Variants in TLK2 observed in about 807,000 individuals in gnomAD.
TLK2 encodes tousled like kinase 2.
TLK2 carries 6 observed loss-of-function variants against 117.3 expected under a neutral mutation model. That is an observed-to-expected ratio of 0.05 (90% CI 0.03 to 0.10). The LOEUF is 0.10. TLK2 is among the 10% of genes least tolerant of loss of function. The pLI, the probability that TLK2 is intolerant of heterozygous loss-of-function variation, is 1.00. For synonymous variants in TLK2, 257 were observed against 316.7 expected (o/e 0.81, Z 2.00); for missense variants, 299 against 901.2 (o/e 0.33, Z 8.56).
chr17:62,511,592 A>G (rs2145257474), intron 2 of TLK2, among the ~76,000 whole-genome samples: 1 of 152,272 alleles, frequency 6.6e-6, no homozygotes, highest in Non-Finnish European at 1.5e-5. Context: ...CTGGTCTTGA[A>G]TTCCTGGGTT....
upstream of TLK2, among the ~76,000 whole-genome samples, chr17:62,478,453 G>A (rs1303428665): frequency 6.6e-6 from 1 of 150,540 alleles, no homozygotes; most frequent in Admixed American, 6.6e-5. Flanking sequence ...GGGGGCCGGC[G>A]ACACAAAGGC....
intron 20 of TLK2, among the ~76,000 whole-genome samples, chr17:62,607,033 ATCTCACCTCTCT>A (rs2083359101): frequency 1.8e-5 from 1 of 56,940 alleles, no homozygotes; most frequent in South Asian, 6.0e-4. Context: ...TTTTTTTTCT[ATCTCACCTCTCT>A]AAAACAGGGA....
chr17:62,612,059 C>T (rs547235483), intron 21 of TLK2: 6 of 174,750 alleles, frequency 3.4e-5, no homozygotes, highest in South Asian at 1.8e-4. Flanking sequence ...TCCAAACCAG[C>T]GAAGACAAAG....
At chr17:62,481,271 A>T (rs1412620159) in intron 2 of TLK2, 65 bp downstream of exon 2, 1 of 1,583,726 alleles carries the variant, frequency 6.3e-7, no homozygotes, top group Non-Finnish European at 8.6e-7. Flanking sequence ...TTAAATGATT[A>T]AGAGCAATTT....
chr17:62,500,761 A>T (rs8071637), intron 2 of TLK2, among the ~76,000 whole-genome samples: 50,625 of 152,094 alleles, frequency 0.33, 8,654 homozygotes, highest in Admixed American at 0.4. Context: ...TGTAGTGTCT[A>T]CTCTGACTAC....
chr17:62,523,893 A>G (rs2076208003), intron 5 of TLK2, among the ~76,000 whole-genome samples: 1 of 152,226 alleles, frequency 6.6e-6, no homozygotes, highest in Admixed American at 6.5e-5. Context: ...AGTGGTTACT[A>G]AAGACACTAA....
chr17:62,489,264 G>A (rs1423542571), intron 2 of TLK2, among the ~76,000 whole-genome samples: 1 of 150,472 alleles, frequency 6.6e-6, no homozygotes, highest in Non-Finnish European at 1.5e-5. Flanking sequence ...GCAGTGGTGC[G>A]ATTTCAGCTC....
At chr17:62,474,745 T>TC (rs1226225847), upstream of TLK2, among the ~76,000 whole-genome samples, 1 of 151,740 alleles carries the variant, frequency 6.6e-6, no homozygotes, top group Non-Finnish European at 1.5e-5. Flanking sequence ...CAGGCTGGTC[T>TC]CCAACTCCTG....
At chr17:62,496,531 G>A (rs2073704410) in intron 2 of TLK2, among the ~76,000 whole-genome samples, 1 of 152,150 alleles carries the variant, frequency 6.6e-6, no homozygotes, top group African/African-American at 2.4e-5. Flanking sequence ...CCATAGTCAA[G>A]TATGGCAAGG....
intron 8 of TLK2, chr17:62,553,355 A>G (rs2078619436): frequency 1.3e-5 from 3 of 238,684 alleles, no homozygotes; most frequent in Non-Finnish European, 2.4e-5. Context: ...TTTTCTATTC[A>G]AAGTTAGTTT....
chr17:62,607,337 G>A (rs1466126564), intron 20 of TLK2, among the ~76,000 whole-genome samples: 1 of 150,724 alleles, frequency 6.6e-6, no homozygotes, highest in Non-Finnish European at 1.5e-5. Flanking sequence ...GACTAACATG[G>A]TGAAACCCCG....
intron 10 of TLK2, among the ~76,000 whole-genome samples, chr17:62,561,959 A>G (rs558424507): frequency 2.0e-5 from 3 of 152,342 alleles, no homozygotes; most frequent in African/African-American, 7.2e-5. Context: ...AGTATATAAC[A>G]AAATTTAAAT....
chr17:62,580,111 A>G lies in TLK2; in HGVS notation c.1287A>G (p.Gln429=), dbSNP rs761321359. 1 of 1,612,196 alleles carries G rather than the reference A, an allele frequency of 6.2e-7. No homozygotes were observed. Among genetic ancestry groups the G allele is most frequent in the Non-Finnish European group, 8.5e-7 (1 of 1,178,972 alleles). ...LKRIHNEDNS[Q]FKDHPTLNDR... ...TGTTACATGTTCCCTGTTTCCACAG[A>G]TTTAAAGATCATCCAACGCTAAATG... is the stretch of plus-strand genomic sequence containing the variant. The change falls in exon 15 of 22, where the codon CAA becomes CAG. Residue 429 remains glutamine, a splice_region_variant and synonymous_variant. Transcript: ENST00000346027.
chr17:62,536,269 G>T lies in TLK2; in HGVS notation c.463G>T (p.Ala155Ser). The T allele has an allele frequency of 6.2e-7, 1 of 1,613,502 alleles. No homozygotes were observed. Among genetic ancestry groups the T allele is most frequent in the Non-Finnish European group, 8.5e-7 (1 of 1,179,746 alleles). Residue 155 changes from alanine to serine, a missense_variant, in exon 7 of 22, where the codon GCA becomes TCA. Around this residue, in one of 4 missense-constraint regions of TLK2, gnomAD observed 105 missense variants for 218.4 expected, o/e 0.48. Transcript: ENST00000346027. ...ALPTLMSVMLAKPRLDTEQLA... is the reference protein window; with the variant it reads ...ALPTLMSVMLSKPRLDTEQLA... ...GCCAACCCTCATGTCAGTGATGCTA[G>T]CAAAACCTCGGCTTGACACAGAGCA...
rs182970816 is a variant in TLK2 at position 62,607,996 on chromosome 17, A to T, written c.1972-45A>T. ...GGGGTATTGAATTGTTTTCTCTATAATTTTCATCAGAGGCCTACATTATTT... is the reference window on the plus strand; with the variant it reads ...GGGGTATTGAATTGTTTTCTCTATATTTTTCATCAGAGGCCTACATTATTT... On this transcript the variant is annotated intron_variant, in intron 20 of 21. Coordinates refer to ENST00000346027, the MANE Select transcript of TLK2 (RefSeq NM_006852.6). 289 of 1,521,414 alleles carry T rather than the reference A, an allele frequency of 1.9e-4. 3 individuals are homozygous for T. In the Admixed American group the frequency reaches 5.4e-3, roughly 29 times the overall value. The allele number at this position is 1,521,414 out of a possible 1,614,324, so 94.2% of individuals were successfully genotyped here. A position where few individuals can be genotyped will look rare whatever the true frequency, so the allele number is the denominator to read the frequency against.
intron 2 of TLK2, among the ~76,000 whole-genome samples, chr17:62,482,990 T>C (rs1471865304): frequency 6.6e-6 from 1 of 152,214 alleles, no homozygotes; most frequent in Non-Finnish European, 1.5e-5. Flanking sequence ...TGTGGCACTT[T>C]AGAGTGGCTG....
chr17:62,533,390 GTC>G (rs1555621827), intron 6 of TLK2, among the ~76,000 whole-genome samples: 4 of 139,176 alleles, frequency 2.9e-5, no homozygotes, highest in South Asian at 2.3e-4. Context: ...GTGTGTGTGT[GTC>G]TGTGTGTGTG....
At chr17:62,497,082 C>T (rs1208538361) in intron 2 of TLK2, among the ~76,000 whole-genome samples, 5 of 151,788 alleles carry the variant, frequency 3.3e-5, no homozygotes, top group Admixed American at 2.6e-4. Context: ...AGTGGTGAAA[C>T]CCCATCTCTC....
At chr17:62,536,618 CAAAG>C (rs2077130001) in intron 7 of TLK2, among the ~76,000 whole-genome samples, 1 of 151,736 alleles carries the variant, frequency 6.6e-6, no homozygotes, top group Non-Finnish European at 1.5e-5. Context: ...CTTAGATTGA[CAAAG>C]AAGAAAATAC....
Sources: allele counts gnomAD v4.1 joint callset (sites outside exome capture counted in the v4.1 genomes callset), GRCh38; gene constraint gnomAD v4.1.1; regional missense constraint gnomAD v4.1.1; transcripts MANE v1.5; gene names NCBI Gene and HGNC (gene_info 2026-07-23, HGNC 2026-07-21).